CAMK4: variants seen among roughly 807,000 people sequenced by gnomAD.
CAMK4 encodes calcium/calmodulin-dependent protein kinase type IV.
In CAMK4, 22 loss-of-function variants were observed where a neutral mutation model predicts 44.9. The ratio of observed to expected loss-of-function variants is 0.49; its 90% CI spans 0.35 to 0.70. The LOEUF (loss-of-function observed/expected upper bound fraction) is 0.70, where lower values mean the gene tolerates loss of function less well. Ranked by LOEUF, CAMK4 falls within the 30% of genes least tolerant of loss-of-function variation. The pLI is 0.01. For synonymous variants in CAMK4, 218 were observed against 215.4 expected (o/e 1.01, Z -0.11); for missense variants, 498 against 586.8 (o/e 0.85, Z 1.56).
chr5:111,368,800 G>A lies in CAMK4; in HGVS notation c.241-6050G>A, dbSNP rs536765564. Among the ~76,000 whole-genome samples the A allele has an allele frequency of 9.9e-5, 15 of 151,844 alleles. No homozygotes were observed. In the South Asian group the frequency reaches 1.9e-3, roughly 19 times the overall value. ...TTACTTTTCTCCATGTTCCTTCTTC[G>A]GAGATTCTTATTTGCTTCACCCTTC... On this transcript the variant is annotated intron_variant, in intron 2 of 10. Coordinates refer to ENST00000282356, the MANE Select transcript of CAMK4 (RefSeq NM_001744.6).
chr5:111,353,522 T>C (rs1750200942), intron 2 of CAMK4, among the ~76,000 whole-genome samples: 2 of 152,214 alleles, frequency 1.3e-5, no homozygotes, highest in South Asian at 4.1e-4. Context: ...TGTAAATAGT[T>C]TGAGCAGCAT....
At chr5:111,400,471 C>T (rs1425874443) in intron 5 of CAMK4, among the ~76,000 whole-genome samples, 1 of 152,062 alleles carries the variant, frequency 6.6e-6, no homozygotes, top group Non-Finnish European at 1.5e-5. Flanking sequence ...AGCATAGAAG[C>T]AGAAAACTTA....
At chr5:111,275,485 T>C (rs1364466646) in intron 1 of CAMK4, among the ~76,000 whole-genome samples, 1 of 152,118 alleles carries the variant, frequency 6.6e-6, no homozygotes, top group African/African-American at 2.4e-5. Context: ...GGTCTTCCTC[T>C]TGTATTCATT....
chr5:111,340,918 A>G (rs545719989), intron 1 of CAMK4, among the ~76,000 whole-genome samples: 12 of 150,474 alleles, frequency 8.0e-5, no homozygotes, highest in African/African-American at 2.4e-4. Flanking sequence ...CAGATTTTCT[A>G]TTTCTTCATT....
chr5:111,443,757 G>T (rs1400146639), intron 5 of CAMK4, among the ~76,000 whole-genome samples: 2 of 152,046 alleles, frequency 1.3e-5, no homozygotes, highest in African/African-American at 4.8e-5. Flanking sequence ...CTTTGTTACT[G>T]TGTTCCTATG....
chr5:111,357,855 G>A (rs375070964), intron 2 of CAMK4: 1 of 151,992 alleles, frequency 6.6e-6, no homozygotes, highest in African/African-American at 2.4e-5. Flanking sequence ...GCTCCCCAAG[G>A]AAGTATTTTT....
At chr5:111,384,877 C>G (rs1479240294) in intron 4 of CAMK4, among the ~76,000 whole-genome samples, 2 of 152,120 alleles carry the variant, frequency 1.3e-5, no homozygotes, top group African/African-American at 4.8e-5. Flanking sequence ...AAAGTCAATA[C>G]TTTTAAACAT....
At position 111,426,527 on chromosome 5, in the gene CAMK4, C is replaced by T. The variant is rs189677557; in HGVS notation, c.460-20159C>T. On this transcript the variant is annotated intron_variant, in intron 5 of 10. Coordinates refer to ENST00000282356, the MANE Select transcript of CAMK4 (RefSeq NM_001744.6). ...CAGCTATCTACACAGAAAAAAGCAC[C>T]TTCATAAGAACCCCAAATCAGGTGA... Among the ~76,000 whole-genome samples the T allele has an allele frequency of 2.1e-3, 322 of 152,286 alleles. 1 individual carries two copies. The highest frequency in any genetic ancestry group is 7.6e-3 in the African/African-American group (314 of 41,552).
At chr5:111,472,610 T>C (rs916790431) in intron 7 of CAMK4, among the ~76,000 whole-genome samples, 1 of 152,222 alleles carries the variant, frequency 6.6e-6, no homozygotes, top group African/African-American at 2.4e-5. Context: ...ACACCAGGGC[T>C]ATTTTATGGC....
At chr5:111,259,388 G>C (rs1299394792) in intron 1 of CAMK4, among the ~76,000 whole-genome samples, 4 of 152,194 alleles carry the variant, frequency 2.6e-5, no homozygotes, top group Non-Finnish European at 4.4e-5. Context: ...AGTGTAATTT[G>C]ATTTGAAGTA....
intron 1 of CAMK4, among the ~76,000 whole-genome samples, chr5:111,328,694 A>T (rs1268789282): frequency 5.3e-5 from 8 of 151,812 alleles, no homozygotes; most frequent in South Asian, 2.1e-4. Context: ...CCTTGAGCAG[A>T]GGTTTGTAGT....
chr5:111,466,461 G>A (rs1259906343), intron 7 of CAMK4, among the ~76,000 whole-genome samples: 1 of 152,016 alleles, frequency 6.6e-6, no homozygotes, highest in Non-Finnish European at 1.5e-5. Flanking sequence ...AAAGACTCCT[G>A]CAAAAAGCTC....
chr5:111,245,160 G>T (rs1293511238), intron 1 of CAMK4, among the ~76,000 whole-genome samples: 5 of 152,050 alleles, frequency 3.3e-5, no homozygotes, highest in Non-Finnish European at 7.4e-5. Flanking sequence ...GGGACATATT[G>T]ATTCCATAAG....
intron 7 of CAMK4, among the ~76,000 whole-genome samples, chr5:111,466,950 C>T (rs1754857282): frequency 6.6e-6 from 1 of 152,094 alleles, no homozygotes; most frequent in Non-Finnish European, 1.5e-5. Flanking sequence ...TACTGTAAGG[C>T]CTTAGTCACC....
chr5:111,360,585 A>T (rs2112794842), intron 2 of CAMK4, among the ~76,000 whole-genome samples: 1 of 152,246 alleles, frequency 6.6e-6, no homozygotes, highest in Non-Finnish European at 1.5e-5. Flanking sequence ...TAAACATGGA[A>T]TGTGTGCATA....
At chr5:111,224,379 C>T (rs1159497276), upstream of CAMK4, 23 of 1,393,856 alleles carry the variant, frequency 1.7e-5, no homozygotes, top group East Asian at 3.1e-5. The surrounding 1 kb of genome is among the most constrained non-coding windows in gnomAD (Gnocchi z 5.7). Flanking sequence ...TGAAGGACGC[C>T]GCCTCTCTCT....
chr5:111,492,813 C>T lies in CAMK4; in HGVS notation c.*8347C>T, dbSNP rs1001164450. The T allele has an allele frequency of 1.3e-5, 2 of 152,040 alleles. No homozygotes were observed. The highest frequency in any genetic ancestry group is 4.8e-5 in the African/African-American group (2 of 41,390). 9.4% of individuals were successfully genotyped at this position (152,040 alleles called of 1,614,324 possible). ...TTTGTAGTTGGAGAGAAAAGCCAAC[C>T]TTATAGATACAACCTGTACATATAT... is the stretch of plus-strand genomic sequence containing the variant. On this transcript the variant is annotated 3_prime_UTR_variant, in exon 11 of 11. Coordinates refer to ENST00000282356, the MANE Select transcript of CAMK4 (RefSeq NM_001744.6).
chr5:111,415,957 T>C (rs980801747), intron 5 of CAMK4, among the ~76,000 whole-genome samples: 2 of 152,232 alleles, frequency 1.3e-5, no homozygotes, highest in Non-Finnish European at 2.9e-5. Flanking sequence ...TGTAGTTGTA[T>C]GCAAACACTA....
intron 1 of CAMK4, among the ~76,000 whole-genome samples, chr5:111,339,594 T>C (rs1031041011): frequency 6.6e-6 from 1 of 151,578 alleles, no homozygotes; most frequent in Non-Finnish European, 1.5e-5. Context: ...TGTGTTTATT[T>C]TTATGCCAGT....
Sources: gnomAD v4.1 joint callset for allele counts (sites outside exome capture counted in the v4.1 genomes callset) on GRCh38, gnomAD v4.1.1 for gene constraint, Gnocchi (gnomAD v3.1) non-coding constraint, MANE v1.5 for transcripts, NCBI Gene and HGNC (gene_info 2026-07-23, HGNC 2026-07-21) for gene names.